Variants in RYR3 observed in about 807,000 individuals in gnomAD.
RYR3 encodes the protein ryanodine receptor 3.
Under a neutral mutation model 584.3 loss-of-function variants are expected in RYR3, and 207 were observed. The ratio of observed to expected loss-of-function variants is 0.35; its 90% CI spans 0.32 to 0.40. The LOEUF is 0.40. RYR3 is among the 10% of genes least tolerant of loss of function. RYR3 has a pLI of 1.00. For synonymous variants in RYR3, 2,416 were observed against 2,248.5 expected (o/e 1.07, Z -2.11); for missense variants, 5,616 against 6,089.2 (o/e 0.92, Z 2.59).
Position 33,750,044 on chromosome 15 carries a change from G to A in RYR3, c.8265G>A (p.Leu2755=), listed in dbSNP as rs376100096. 9.9e-6 allele frequency: 16 copies of A among 1,611,544 alleles called. No individual in the cohort carries two copies. The African/African-American group carries it at 1.3e-4, about 13-fold the overall frequency. Residue 2755 remains leucine (L), a synonymous_variant, in exon 56 of 104, where the codon CTG becomes CTA. Coordinates refer to ENST00000634891, the MANE Select transcript of RYR3 (RefSeq NM_001036.6). ...NIWAKKKKLE[L]ESKGGGSHPL... The stretch of plus-strand genomic sequence containing the variant: ...GGGCCAAGAAGAAGAAGCTGGAGCT[G>A]GAGAGCAAAGGTGAGTGAGGTTCAC...
intron 13 of RYR3, 23 bp downstream of exon 13, chr15:33,580,167 G>C: frequency 6.4e-7 from 1 of 1,556,516 alleles, no homozygotes; most frequent in African/African-American, 1.4e-5. Context: ...ATGAAAAGTT[G>C]AAATTCACTT....
chr15:33,659,566 G>C (rs1017153653), intron 32 of RYR3, among the ~76,000 whole-genome samples, 154 bp from the exon 33 acceptor site: 4 of 152,264 alleles, frequency 2.6e-5, no homozygotes, highest in African/African-American at 9.6e-5. Context: ...TCCGCTGATA[G>C]ATAACTGGTC....
At chr15:33,759,492 T>G (rs2072213524) in intron 60 of RYR3, among the ~76,000 whole-genome samples, 1 of 152,084 alleles carries the variant, frequency 6.6e-6, no homozygotes, top group South Asian at 2.1e-4. Flanking sequence ...AAGAACTTCA[T>G]GAGGCATACA....
chr15:33,323,575 A>G (rs896639482), intron 1 of RYR3, among the ~76,000 whole-genome samples: 15 of 152,030 alleles, frequency 9.9e-5, no homozygotes, highest in African/African-American at 3.6e-4. Context: ...TAAACTGTTT[A>G]TTTACTACAA....
At chr15:33,854,298 C>T (rs1787385659) in intron 96 of RYR3, 91 bp from the exon 97 acceptor site, 2 of 982,612 alleles carry the variant, frequency 2.0e-6, no homozygotes, top group African/African-American at 1.7e-5. Context: ...GGTTATTAAA[C>T]CTGAGAGAAA....
At chr15:33,460,468 C>A (rs1036448672) in intron 1 of RYR3, among the ~76,000 whole-genome samples, 2 of 152,186 alleles carry the variant, frequency 1.3e-5, no homozygotes, top group East Asian at 1.9e-4. Context: ...TCACACAGAA[C>A]TGGATTTACA....
intron 15 of RYR3, 98 bp downstream of exon 15, chr15:33,584,588 G>A: frequency 1.6e-6 from 1 of 609,872 alleles, no homozygotes; most frequent in Non-Finnish European, 2.9e-6. Context: ...CCAATGGATT[G>A]CAAACAATCC....
chr15:33,640,000 A>G (rs1472190356), intron 27 of RYR3, among the ~76,000 whole-genome samples: 1 of 152,106 alleles, frequency 6.6e-6, no homozygotes, highest in Non-Finnish European at 1.5e-5. Flanking sequence ...CGTCTGGAAG[A>G]GGCTTTGGTG....
At chr15:33,656,065 C>T (rs995012060) in intron 32 of RYR3, among the ~76,000 whole-genome samples, 1 of 152,204 alleles carries the variant, frequency 6.6e-6, no homozygotes, top group Admixed American at 6.5e-5. Context: ...TCAAGAGATA[C>T]TCCTCAGTGA....
At chr15:33,423,574 C>A (rs2044388901) in intron 1 of RYR3, among the ~76,000 whole-genome samples, 1 of 152,148 alleles carries the variant, frequency 6.6e-6, no homozygotes, top group Admixed American at 6.5e-5. Context: ...CTGTTTTCCA[C>A]TGTTTACCAT....
chr15:33,733,332 A>G (rs927362480), intron 48 of RYR3, among the ~76,000 whole-genome samples: 1 of 152,242 alleles, frequency 6.6e-6, no homozygotes, highest in Non-Finnish European at 1.5e-5. Flanking sequence ...TAATTGCCAA[A>G]ACTTGGGAGC....
chr15:33,584,028 G>A (rs1402630018), intron 14 of RYR3, among the ~76,000 whole-genome samples: 2 of 151,406 alleles, frequency 1.3e-5, no homozygotes, highest in African/African-American at 4.9e-5. Flanking sequence ...CTCCAGCCTG[G>A]GCAACAAGAG....
intron 57 of RYR3, among the ~76,000 whole-genome samples, chr15:33,754,576 T>A (rs546052157): frequency 6.6e-6 from 1 of 152,294 alleles, no homozygotes; most frequent in South Asian, 2.1e-4. Flanking sequence ...CAACCCTGAC[T>A]ACCCTATTTA....
At chr15:33,659,643 C>A in intron 32 of RYR3, 77 bp from the exon 33 acceptor site, 1 of 929,708 alleles carries the variant, frequency 1.1e-6, no homozygotes, top group Non-Finnish European at 1.7e-6. Flanking sequence ...GATTGTTGAC[C>A]AAAACACCCA....
intron 1 of RYR3, among the ~76,000 whole-genome samples, chr15:33,373,111 A>T (rs947442651): frequency 6.6e-6 from 1 of 152,202 alleles, no homozygotes; most frequent in African/African-American, 2.4e-5. Context: ...TTAGGTTTTC[A>T]GGAATGGTGG....
intron 1 of RYR3, among the ~76,000 whole-genome samples, chr15:33,434,373 G>A (rs931322869): frequency 6.6e-6 from 1 of 152,076 alleles, no homozygotes; most frequent in African/African-American, 2.4e-5. Context: ...AAGAGGTTTT[G>A]TCATTTGCAC....
chr15:33,579,864 G>C, intron 12 of RYR3, 112 bp from the exon 13 acceptor site: 1 of 670,816 alleles, frequency 1.5e-6, no homozygotes, highest in Non-Finnish European at 2.3e-6. Context: ...GCCGCCCAAG[G>C]AAGCAACTCA....
At chr15:33,813,702 C>G in intron 74 of RYR3, 123 bp downstream of exon 74, 3 of 775,172 alleles carry the variant, frequency 3.9e-6, no homozygotes, top group Non-Finnish European at 2.2e-6. Flanking sequence ...GCCTATGGAG[C>G]TATTGCAGTC....
chr15:33,472,492 TG>T (rs2049010860), intron 1 of RYR3, among the ~76,000 whole-genome samples: 1 of 152,196 alleles, frequency 6.6e-6, no homozygotes, highest in African/African-American at 2.4e-5. Context: ...AGGCTCCAGC[TG>T]GCTCCCCCAG....
Sources: allele counts gnomAD v4.1 joint callset (sites outside exome capture counted in the v4.1 genomes callset), GRCh38; gene constraint gnomAD v4.1.1; transcripts MANE v1.5; gene names NCBI Gene and HGNC (gene_info 2026-07-23, HGNC 2026-07-21).